ENTHD1: variants seen among roughly 807,000 people sequenced by gnomAD.
The protein encoded by ENTHD1 is ENTH domain-containing protein 1.
A neutral mutation model predicts 39.1 loss-of-function variants in ENTHD1; 23 were observed. The observed-to-expected ratio is 0.59, with a 90% CI of 0.42 to 0.83. ENTHD1 has a LOEUF of 0.83. ENTHD1 is among the 40% of genes least tolerant of loss of function. The pLI is 0.00. For synonymous variants in ENTHD1, 230 were observed against 258.2 expected (o/e 0.89, Z 1.05); for missense variants, 624 against 705.4 (o/e 0.88, Z 1.31).
intron 4 of ENTHD1, among the ~76,000 whole-genome samples, chr22:39,833,941 C>CCA (rs760081606): frequency 8.5e-6 from 1 of 117,936 alleles, no homozygotes; most frequent in Non-Finnish European, 1.7e-5. Context: ...TATACTTGGG[C>CCA]AAAAAAAAAA....
rs75441226 is a variant in ENTHD1, at chr22:39,753,696, G to A, written c.1220-9413C>T. On this transcript the variant is annotated intron_variant, in intron 6 of 6. Coordinates refer to ENST00000325157, the MANE Select transcript of ENTHD1 (RefSeq NM_152512.4). ...ACCCTGAGTGACGCCAATGTCCATGGAGACTAGCCATCCATCCTGGCCTCA... is the reference window on the plus strand; with the variant it reads ...ACCCTGAGTGACGCCAATGTCCATGAAGACTAGCCATCCATCCTGGCCTCA... Among the ~76,000 whole-genome samples the A allele has an allele frequency of 3.9e-3, 593 of 152,230 alleles. 3 individuals are homozygous for A. Among genetic ancestry groups the A allele is most frequent in the African/African-American group, 0.014 (566 of 41,530 alleles).
chr22:39,829,463 C>T (rs1179344637), intron 4 of ENTHD1, among the ~76,000 whole-genome samples: 2 of 151,900 alleles, frequency 1.3e-5, no homozygotes. Flanking sequence ...CAAAAGCCAT[C>T]AGCAGAAAAT....
At chr22:39,886,174 C>T (rs1569182668) in intron 2 of ENTHD1, among the ~76,000 whole-genome samples, 1 of 151,916 alleles carries the variant, frequency 6.6e-6, no homozygotes, top group Non-Finnish European at 1.5e-5. Flanking sequence ...AAGCTACATA[C>T]TTTAAGATTC....
At chr22:39,782,179 C>T (rs982719683) in intron 5 of ENTHD1, among the ~76,000 whole-genome samples, 23 of 152,012 alleles carry the variant, frequency 1.5e-4, no homozygotes, top group African/African-American at 5.3e-4. Flanking sequence ...CCCAGCTACC[C>T]GGGAGGCTGA....
At chr22:39,823,517 T>G (rs2065798950) in intron 4 of ENTHD1, among the ~76,000 whole-genome samples, 1 of 151,998 alleles carries the variant, frequency 6.6e-6, no homozygotes, top group African/African-American at 2.4e-5. Flanking sequence ...ACTAAATTTT[T>G]TTTAATTTTT....
At chr22:39,864,435 C>T (rs534313652) in intron 2 of ENTHD1, among the ~76,000 whole-genome samples, 22 of 152,300 alleles carry the variant, frequency 1.4e-4, no homozygotes, top group Non-Finnish European at 7.4e-5. Context: ...TAGCCCCACC[C>T]TCATCACTCT....
intron 4 of ENTHD1, among the ~76,000 whole-genome samples, chr22:39,823,617 T>C (rs1382420121): frequency 6.6e-6 from 1 of 152,156 alleles, no homozygotes; most frequent in Non-Finnish European, 1.5e-5. Context: ...CATTCCAAAG[T>C]GCTAGGATTA....
At chr22:39,828,383 A>T (rs1385366446) in intron 4 of ENTHD1, among the ~76,000 whole-genome samples, 2 of 152,264 alleles carry the variant, frequency 1.3e-5, no homozygotes, top group African/African-American at 4.8e-5. Context: ...TAGCAAAAAG[A>T]TACAAGAAAA....
intron 5 of ENTHD1, among the ~76,000 whole-genome samples, chr22:39,815,924 T>G (rs764514827): frequency 2.0e-5 from 3 of 152,164 alleles, no homozygotes; most frequent in Non-Finnish European, 2.9e-5. Flanking sequence ...ATATATATTG[T>G]GTAGAGTATA....
chr22:39,857,399 T>A (rs2066100803), intron 3 of ENTHD1, among the ~76,000 whole-genome samples: 1 of 128,622 alleles, frequency 7.8e-6, no homozygotes, highest in Non-Finnish European at 1.5e-5. Context: ...GCCGAGATGG[T>A]GCCATTGCTC....
chr22:39,887,739 T>G lies in ENTHD1; in HGVS notation c.10A>C (p.Arg4=). 1 of 1,567,990 alleles carries G rather than the reference T, an allele frequency of 6.4e-7. No homozygotes were observed. ...TTCACAAAGTTTTTCACTTGTCTCC[T>G]GAACGCCATAAGTAATACAAGTTCC... MAF[R]RQVKNFVKNY... Residue 4 remains arginine, a synonymous_variant, in exon 2 of 7, where the codon AGG becomes CGG. Transcript: ENST00000325157.
chr22:39,748,190 A>C (rs2065121304), intron 6 of ENTHD1, among the ~76,000 whole-genome samples: 1 of 150,374 alleles, frequency 6.7e-6, no homozygotes, highest in Non-Finnish European at 1.5e-5. Context: ...TTGAGGCTGC[A>C]GTGAGCCGTG....
At chr22:39,759,829 T>C (rs1422684397) in intron 6 of ENTHD1, among the ~76,000 whole-genome samples, 1 of 152,098 alleles carries the variant, frequency 6.6e-6, no homozygotes, top group African/African-American at 2.4e-5. Context: ...CTTTGACTCA[T>C]AGATTATTTA....
intron 6 of ENTHD1, among the ~76,000 whole-genome samples, chr22:39,758,249 C>G (rs759448807): frequency 6.6e-6 from 1 of 151,986 alleles, no homozygotes; most frequent in Non-Finnish European, 1.5e-5. Flanking sequence ...AATACATATG[C>G]CTTTTATTTA....
At chr22:39,787,832 G>A (rs2065472084) in intron 5 of ENTHD1, among the ~76,000 whole-genome samples, 1 of 152,220 alleles carries the variant, frequency 6.6e-6, no homozygotes, top group African/African-American at 2.4e-5. Context: ...GTATCCAGAA[G>A]ATTAGATAAT....
rs138510838 is a variant in ENTHD1, at chr22:39,855,200, C to T, written c.592+6565G>A. On this transcript the variant is annotated intron_variant, in intron 3 of 6. Coordinates refer to ENST00000325157, the MANE Select transcript of ENTHD1 (RefSeq NM_152512.4). ...ATAGCTGTTTTCAGTAATAAGGAAGCTCAGTTCTGTGACTAAGCTAAACAT... is the reference window on the plus strand; with the variant it reads ...ATAGCTGTTTTCAGTAATAAGGAAGTTCAGTTCTGTGACTAAGCTAAACAT... Among the ~76,000 whole-genome samples the T allele has an allele frequency of 2.6e-4, 40 of 152,322 alleles. 2 individuals are homozygous for T. In the East Asian group the frequency reaches 7.7e-3, roughly 29 times the overall value.
chr22:39,743,855 C>T lies in ENTHD1; in HGVS notation c.1648G>A (p.Val550Ile). ...QEPEAKNSIS[V>I]LLREVKRAIA... The stretch of plus-strand genomic sequence containing the variant: ...GCACGTTTTACCTCCCTTAAAAGAA[C>T]ACTAATGGAATTCTTTGCTTCAGGT... Residue 550 changes from valine (V) to isoleucine (I), a missense_variant, in exon 7 of 7, where the codon GTT becomes ATT. Val to Ile is a conservative substitution (Grantham distance 29). Transcript: ENST00000325157. 6.2e-7 allele frequency: 1 copy of T among 1,614,138 alleles called. No individual in the cohort carries two copies. Among genetic ancestry groups the T allele is most frequent in the Non-Finnish European group, 8.5e-7 (1 of 1,180,010 alleles).
At chr22:39,886,924 T>G (rs1167186526) in intron 2 of ENTHD1, among the ~76,000 whole-genome samples, 1 of 152,248 alleles carries the variant, frequency 6.6e-6, no homozygotes. Context: ...TACAGTGACA[T>G]TATTACACCA....
intron 6 of ENTHD1, among the ~76,000 whole-genome samples, chr22:39,762,059 A>G (rs1208095571): frequency 6.6e-6 from 1 of 152,158 alleles, no homozygotes; most frequent in African/African-American, 2.4e-5. Context: ...TCTAAAGAGC[A>G]CTGATTTTTG....
Sources: gnomAD v4.1 joint callset for allele counts (sites outside exome capture counted in the v4.1 genomes callset) on GRCh38, gnomAD v4.1.1 for gene constraint, MANE v1.5 for transcripts, NCBI Gene and HGNC (gene_info 2026-07-23, HGNC 2026-07-21) for gene names.